The following CAMK2G variants were observed in gnomAD, a reference collection of about 807,000 sequenced individuals.
The protein encoded by CAMK2G is calcium/calmodulin dependent protein kinase II gamma, also known as calcium/calmodulin-dependent protein kinase type II subunit gamma.
CAMK2G carries 23 observed loss-of-function variants against 88.7 expected under a neutral mutation model. The observed-to-expected ratio is 0.26, with a 90% CI of 0.19 to 0.37. The LOEUF is 0.37. Ranked by LOEUF, CAMK2G falls within the 10% of genes least tolerant of loss-of-function variation. CAMK2G has a pLI of 1.00. For synonymous variants in CAMK2G, 263 were observed against 294.8 expected (o/e 0.89, Z 1.11); for missense variants, 476 against 780.8 (o/e 0.61, Z 4.65).
At chr10:73,869,105 T>C (rs376310567) in intron 2 of CAMK2G, among the ~76,000 whole-genome samples, 1 of 152,340 alleles carries the variant, frequency 6.6e-6, no homozygotes, top group South Asian at 2.1e-4. Context: ...TTGCAGATTT[T>C]AGGTGGCATC....
chr10:73,853,027 A>AC (rs1182879706), intron 4 of CAMK2G, among the ~76,000 whole-genome samples, 165 bp downstream of exon 4: 3 of 151,656 alleles, frequency 2.0e-5, no homozygotes, highest in Non-Finnish European at 4.4e-5. Context: ...GAACATGGAG[A>AC]CCCCCTTGGT....
rs1367245454 is a variant in CAMK2G, at chr10:73,821,708, G to T, written c.1223C>A (p.Thr408Asn). ...TTTGAGGTCCTCATCTTCTGTGGTG[G>T]TGTTGCAGCTCTCTGTGGAGCCCTG... ...GIKGSTESCN[T>N]TTEDEDLKAA... Residue 408 changes from threonine to asparagine, a missense_variant, in exon 18 of 23, where the codon ACC (threonine) becomes AAC (asparagine). Transcript: ENST00000423381. 2 of 1,611,858 alleles carry T rather than the reference G, an allele frequency of 1.2e-6. No homozygotes were observed.
At chr10:73,844,548 T>C (rs547991350) in intron 10 of CAMK2G, among the ~76,000 whole-genome samples, 2 of 152,262 alleles carry the variant, frequency 1.3e-5, no homozygotes, top group African/African-American at 2.4e-5. Context: ...GCTGGGATTA[T>C]AGGTGTGTAC....
At position 73,847,254 on chromosome 10, in the gene CAMK2G, C is replaced by T; in HGVS notation, c.790G>A (p.Asp264Asn). The change falls in exon 10 of 23, where the codon GAC (aspartate) becomes AAC (asparagine). Residue 264 changes from aspartate (D) to asparagine (N), a missense_variant. Physicochemically the swap from Asp to Asn is conservative, Grantham distance 23 (BLOSUM62 1). Around this residue, in one of 3 missense-constraint regions of CAMK2G, gnomAD observed 164 missense variants for 385.6 expected, o/e 0.43. Transcript: ENST00000423381. ...TINPAKRITADQALKHPWVCQ... is the reference protein window; with the variant it reads ...TINPAKRITANQALKHPWVCQ... ...ACCCACGGGTGCTTGAGAGCCTGGT[C>T]AGCCGTGATGCGCTTTGCTGGGTTT... 6.2e-7 allele frequency: 1 copy of T among 1,614,212 alleles called. No homozygotes were observed. Among genetic ancestry groups the T allele is most frequent in the South Asian group, 1.1e-5 (1 of 91,078 alleles).
intron 21 of CAMK2G, chr10:73,816,666 A>T (rs1368750989): frequency 1.2e-6 from 1 of 860,376 alleles, no homozygotes; most frequent in African/African-American, 1.8e-5. Flanking sequence ...TCACCGTGTT[A>T]GCCAGGATGG....
chr10:73,815,231 G>C lies in CAMK2G; in HGVS notation c.1551C>G (p.Ser517Arg), dbSNP rs1181371141. Residue 517 changes from serine to arginine, a missense_variant, in exon 22 of 23, where the codon AGC becomes AGG. Physicochemically the swap from Ser to Arg is moderately radical, Grantham distance 110 (BLOSUM62 -1). Around this residue, in one of 3 missense-constraint regions of CAMK2G, gnomAD observed 278 missense variants for 366.5 expected, o/e 0.76. Coordinates refer to ENST00000423381, the MANE Select transcript of CAMK2G (RefSeq NM_001367534.1). ...TTAGGATGGTGGTATGGATAGGCTT[G>C]CTGTTCTTGGACAGGACTGCAGGGC... ...FYFENLLSKN[S>R]KPIHTTILNP... 3 of 1,613,924 alleles carry C rather than the reference G, an allele frequency of 1.9e-6. No individual in the cohort carries two copies. Among genetic ancestry groups the C allele is most frequent in the Non-Finnish European group, 2.5e-6 (3 of 1,179,766 alleles).
intron 9 of CAMK2G, 62 bp downstream of exon 9, chr10:73,847,926 G>C (rs2094364625): frequency 7.0e-6 from 6 of 859,684 alleles, no homozygotes; most frequent in South Asian, 6.8e-5. Flanking sequence ...CCCTTGGACA[G>C]AGCCCGAGGA....
intron 3 of CAMK2G, among the ~76,000 whole-genome samples, chr10:73,856,289 G>C (rs1026692082): frequency 1.3e-5 from 2 of 152,124 alleles, no homozygotes; most frequent in South Asian, 4.1e-4. Flanking sequence ...GGCAGAACCG[G>C]GACTTGAAGC....
Position 73,814,743 on chromosome 10 carries a change from G to A in CAMK2G, c.*13-238C>T, listed in dbSNP as rs182140638. On this transcript the variant is annotated intron_variant, in intron 22 of 22. Transcript: ENST00000423381. ...TTAAATGAGGTAGGCACCACTCTCT[G>A]CCTTTCTTTGACAGCTAAGGAAACA... 1.4e-5 allele frequency: 7 copies of A among 483,724 alleles called. No individual in the cohort carries two copies. The East Asian group carries it at 2.0e-4, about 14-fold the overall frequency. The allele number at this position is 483,724 out of a possible 1,614,324, so 30.0% of individuals were successfully genotyped here. A position where few individuals can be genotyped will look rare whatever the true frequency, so the allele number is the denominator to read the frequency against.
Position 73,849,323 on chromosome 10 carries a change from G to A in CAMK2G, c.352C>T (p.His118Tyr), listed in dbSNP as rs2094464233. The A allele has an allele frequency of 1.2e-6, 2 of 1,611,358 alleles. No homozygotes were observed. Among genetic ancestry groups the A allele is most frequent in the African/African-American group, 1.3e-5 (1 of 74,862 alleles). Reference protein sequence around the residue: ...YSEADASHCIHQILESVNHIH... With the variant: ...YSEADASHCIYQILESVNHIH... ...TGGTTAACACTCTCCAGAATCTGAT[G>A]TATACAGTGGCTAAAAAAGCAGAAG... Residue 118 changes from histidine to tyrosine, a missense_variant, in exon 6 of 23, where the codon CAT becomes TAT. By Grantham distance (83) the His-to-Tyr change is moderately conservative. Transcript: ENST00000423381.
chr10:73,856,376 A>C (rs965586410), intron 3 of CAMK2G, among the ~76,000 whole-genome samples: 2 of 152,182 alleles, frequency 1.3e-5, no homozygotes, highest in African/African-American at 4.8e-5. Flanking sequence ...TAGGCAAAGG[A>C]GCTCCAATCT....
chr10:73,861,934 T>G (rs950114458), intron 2 of CAMK2G, among the ~76,000 whole-genome samples: 1 of 152,230 alleles, frequency 6.6e-6, no homozygotes, highest in African/African-American at 2.4e-5. Flanking sequence ...ATTAGTATGA[T>G]GCCCATTTTA....
At chr10:73,840,967 C>T (rs891147513) in intron 12 of CAMK2G, among the ~76,000 whole-genome samples, 2 of 152,222 alleles carry the variant, frequency 1.3e-5, no homozygotes, top group African/African-American at 2.4e-5. Context: ...GAGGTGGAGC[C>T]ACACCACAGT....
At chr10:73,819,247 G>A (rs1262359066) in intron 19 of CAMK2G, among the ~76,000 whole-genome samples, 3 of 151,988 alleles carry the variant, frequency 2.0e-5, no homozygotes, top group African/African-American at 4.8e-5. Context: ...CTGGCTCAGC[G>A]CTGAGGCAAG....
intron 18 of CAMK2G, among the ~76,000 whole-genome samples, chr10:73,820,320 G>C (rs986595297): frequency 5.3e-5 from 8 of 151,746 alleles, no homozygotes; most frequent in Non-Finnish European, 1.2e-4. Flanking sequence ...GCTTAGGCTA[G>C]TGGTCCTTAC....
chr10:73,841,168 C>A (rs576283935), intron 12 of CAMK2G, among the ~76,000 whole-genome samples: 1 of 152,230 alleles, frequency 6.6e-6, no homozygotes, highest in Non-Finnish European at 1.5e-5. Flanking sequence ...AAGGCCCTGG[C>A]GTTACCTGGA....
intron 3 of CAMK2G, among the ~76,000 whole-genome samples, chr10:73,853,554 G>A (rs1383256478): frequency 6.6e-6 from 1 of 152,224 alleles, no homozygotes; most frequent in African/African-American, 2.4e-5. Context: ...GGTGGTCCTG[G>A]GATATGATGC....
intron 17 of CAMK2G, among the ~76,000 whole-genome samples, chr10:73,823,438 A>T (rs974043159): frequency 1.3e-5 from 2 of 151,644 alleles, no homozygotes; most frequent in Admixed American, 1.3e-4. Context: ...GTGGTCTCTA[A>T]CTCCTGAGCT....
In CAMK2G at chr10:73,837,462, A is replaced by G. The variant is rs1184085181; in HGVS notation, c.1053+6T>C. ...GCCAGTCTGTTCAGAGGCTGGAGACACTTACCTTGACACCGCCATCCGACT... is the reference window on the plus strand; with the variant it reads ...GCCAGTCTGTTCAGAGGCTGGAGACGCTTACCTTGACACCGCCATCCGACT... On this transcript the variant is annotated splice_donor_region_variant and intron_variant, in intron 14 of 22. Coordinates refer to ENST00000423381, the MANE Select transcript of CAMK2G (RefSeq NM_001367534.1). The G allele has an allele frequency of 8.1e-6, 13 of 1,612,268 alleles. No homozygotes were observed. Among genetic ancestry groups the G allele is most frequent in the Non-Finnish European group, 1.1e-5 (13 of 1,178,284 alleles).
Sources: gnomAD v4.1 joint callset for allele counts (sites outside exome capture counted in the v4.1 genomes callset) on GRCh38, gnomAD v4.1.1 for gene constraint, gnomAD v4.1.1 regional missense constraint, MANE v1.5 for transcripts, NCBI Gene and HGNC (gene_info 2026-07-23, HGNC 2026-07-21) for gene names.